XRN2: variants seen among roughly 807,000 people sequenced by gnomAD.
The protein encoded by XRN2 is DHM1-like protein.
XRN2 carries 44 observed loss-of-function variants against 138.5 expected under a neutral mutation model. That is an observed-to-expected ratio of 0.32 (90% CI 0.25 to 0.41). XRN2 has a LOEUF of 0.41. Among genes scored for constraint, XRN2 ranks in the 10% least tolerant of loss-of-function variants. XRN2 has a pLI of 1.00. For synonymous variants in XRN2, 354 were observed against 369.4 expected (o/e 0.96, Z 0.48); for missense variants, 937 against 1,169.3 (o/e 0.80, Z 2.90).
intron 10 of XRN2, 40 bp downstream of exon 10, chr20:21,333,658 G>A: frequency 1.2e-6 from 2 of 1,613,958 alleles, no homozygotes; most frequent in Non-Finnish European, 1.7e-6. Context: ...CTCTAAAGCA[G>A]GGTGCCTTTG....
At chr20:21,309,575 G>A (rs948032972) in intron 1 of XRN2, among the ~76,000 whole-genome samples, 1 of 151,952 alleles carries the variant, frequency 6.6e-6, no homozygotes, top group African/African-American at 2.4e-5. Context: ...ATCAGCTGTC[G>A]TTAGTATTAG....
At chr20:21,380,555 T>C (rs2038872507) in intron 27 of XRN2, among the ~76,000 whole-genome samples, 1 of 152,238 alleles carries the variant, frequency 6.6e-6, no homozygotes, top group African/African-American at 2.4e-5. Context: ...ACTGTCTTCC[T>C]CTGTTTTCTG....
intron 28 of XRN2, among the ~76,000 whole-genome samples, chr20:21,385,798 C>G (rs1039558740): frequency 2.0e-5 from 3 of 152,132 alleles, no homozygotes; most frequent in Non-Finnish European, 2.9e-5. Flanking sequence ...CCTAAGACCT[C>G]GGAAGTGAAA....
rs1334830306 is a variant in XRN2, at chr20:21,368,457, T to G, written c.2457-6T>G. On this transcript the variant is annotated splice_polypyrimidine_tract_variant and splice_region_variant and intron_variant, in intron 26 of 29. Coordinates refer to ENST00000377191, the MANE Select transcript of XRN2 (RefSeq NM_012255.5). Reference sequence around the variant, plus strand: ...TTTTTTTTTCTTGTGTTGGGTCCTTTTATAGCCATGTGATGCCAAGAGGCT... The same window carrying G: ...TTTTTTTTTCTTGTGTTGGGTCCTTGTATAGCCATGTGATGCCAAGAGGCT... 53 of 1,613,634 alleles carry G rather than the reference T, an allele frequency of 3.3e-5. No individual in the cohort carries two copies. Among genetic ancestry groups the G allele is most frequent in the Non-Finnish European group, 4.4e-5 (52 of 1,179,816 alleles).
chr20:21,369,079 C>A (rs1471987798), intron 27 of XRN2, among the ~76,000 whole-genome samples: 1 of 152,112 alleles, frequency 6.6e-6, no homozygotes, highest in Non-Finnish European at 1.5e-5. Flanking sequence ...CCCTTCCCAG[C>A]CTCTGGTAAC....
intron 21 of XRN2, among the ~76,000 whole-genome samples, chr20:21,355,598 G>GT (rs1313513841): frequency 1.3e-5 from 2 of 151,760 alleles, no homozygotes; most frequent in Admixed American, 6.6e-5. Flanking sequence ...ATTTCAGTGG[G>GT]TTTTTTTTCC....
In XRN2 at chr20:21,330,715, A is replaced by T. The variant is rs375445862; in HGVS notation, c.576+10A>T. On this transcript the variant is annotated intron_variant, in intron 6 of 29. Coordinates refer to ENST00000377191, the MANE Select transcript of XRN2 (RefSeq NM_012255.5). ...GTGGAAAAATTTGACAGTAAGTTTC[A>T]CATTTTGATACTTCAGAAAGATTAG... The T allele has an allele frequency of 2.1e-5, 34 of 1,605,252 alleles. No homozygotes were observed. In the African/African-American group the frequency reaches 3.7e-4, roughly 18 times the overall value.
intron 28 of XRN2, among the ~76,000 whole-genome samples, chr20:21,383,338 G>T (rs1320544336): frequency 6.6e-6 from 1 of 152,058 alleles, no homozygotes. Context: ...CTATCTTATT[G>T]CTCACTTTCC....
At chr20:21,332,182 T>G in intron 8 of XRN2, 101 bp from the exon 9 acceptor site, 1 of 1,401,768 alleles carries the variant, frequency 7.1e-7, no homozygotes, top group Non-Finnish European at 9.6e-7. Context: ...ATTTGGGTGC[T>G]CATTTGGGCT....
Position 21,368,540 on chromosome 20 carries a change from T to C in XRN2, c.2534T>C (p.Leu845Ser). 1 of 1,614,116 alleles carries C rather than the reference T, an allele frequency of 6.2e-7. No individual in the cohort carries two copies. Reference protein sequence around the residue: ...APPPVTYQGNLYRPLLRGQAQ... With the variant: ...APPPVTYQGNSYRPLLRGQAQ... Reference sequence around the variant, plus strand: ...CCACCTGTGACTTACCAGGGAAACTTATACAGGCCGCTTTTGAGAGGACAA... The same window carrying C: ...CCACCTGTGACTTACCAGGGAAACTCATACAGGCCGCTTTTGAGAGGACAA... Residue 845 changes from leucine (L) to serine (S), a missense_variant, in exon 27 of 30, where the codon TTA (leucine) becomes TCA (serine). This residue lies in a region of XRN2 where 372 missense variants were observed against 414.4 expected (regional missense o/e 0.90). Transcript: ENST00000377191.
intron 3 of XRN2, among the ~76,000 whole-genome samples, chr20:21,327,930 A>G (rs2038149879): frequency 6.6e-6 from 1 of 152,226 alleles, no homozygotes; most frequent in Admixed American, 6.5e-5. Flanking sequence ...GGGCTTTTCC[A>G]CTGAAATTGC....
chr20:21,388,327 A>G (rs746890789), intron 29 of XRN2, among the ~76,000 whole-genome samples: 18 of 152,204 alleles, frequency 1.2e-4, no homozygotes, highest in Non-Finnish European at 2.1e-4. Context: ...TAAAATTCTT[A>G]TTTACTTAGA....
chr20:21,355,231 T>C (rs973323744), intron 21 of XRN2, among the ~76,000 whole-genome samples: 4 of 152,180 alleles, frequency 2.6e-5, no homozygotes, highest in Admixed American at 2.6e-4. Flanking sequence ...CTACTCCTCC[T>C]TTCTCCCCAG....
chr20:21,344,346 G>A, intron 16 of XRN2, 138 bp downstream of exon 16: 1 of 664,428 alleles, frequency 1.5e-6, no homozygotes, highest in Non-Finnish European at 2.7e-6. Flanking sequence ...TTAATGTGGA[G>A]GGTTAGAATA....
At chr20:21,303,637 C>T (rs1568561294) in intron 1 of XRN2, 164 bp downstream of exon 1, 4 of 1,354,186 alleles carry the variant, frequency 3.0e-6, no homozygotes, top group East Asian at 3.1e-5. Context: ...GGGACGCGGG[C>T]TGTGGGATTC....
At chr20:21,358,397 A>G (rs555184206) in intron 24 of XRN2, among the ~76,000 whole-genome samples, 7 of 152,346 alleles carry the variant, frequency 4.6e-5, no homozygotes, top group African/African-American at 7.2e-5. Context: ...CATTTGGACT[A>G]AAATCCAACA....
At chr20:21,384,869 CA>C (rs1240061183) in intron 28 of XRN2, among the ~76,000 whole-genome samples, 2 of 152,086 alleles carry the variant, frequency 1.3e-5, no homozygotes, top group African/African-American at 2.4e-5. Flanking sequence ...ATTTCCTAGG[CA>C]AATTTTTAGT....
intron 24 of XRN2, among the ~76,000 whole-genome samples, chr20:21,362,280 A>G (rs1189884425): frequency 1.3e-5 from 2 of 152,210 alleles, no homozygotes; most frequent in Non-Finnish European, 2.9e-5. Context: ...CAGCTGTCTT[A>G]TTAAATCTCT....
chr20:21,344,495 G>A (rs910678821), intron 16 of XRN2, among the ~76,000 whole-genome samples: 17 of 152,096 alleles, frequency 1.1e-4, no homozygotes, highest in African/African-American at 4.1e-4. Context: ...TCATATCTAG[G>A]TGTTTAGCTC....
Sources: gnomAD v4.1 joint callset for allele counts (sites outside exome capture counted in the v4.1 genomes callset) on GRCh38, gnomAD v4.1.1 for gene constraint, gnomAD v4.1.1 regional missense constraint, MANE v1.5 for transcripts, NCBI Gene and HGNC (gene_info 2026-07-23, HGNC 2026-07-21) for gene names.